FOXP1: variants seen among roughly 807,000 people sequenced by gnomAD.
FOXP1 encodes forkhead box P1.
A neutral mutation model predicts 98.2 loss-of-function variants in FOXP1; 15 were observed. The ratio of observed to expected loss-of-function variants is 0.15; its 90% CI spans 0.10 to 0.24. The LOEUF is 0.24. Among genes scored for constraint, FOXP1 ranks in the 10% least tolerant of loss-of-function variants. The pLI, the probability that FOXP1 is intolerant of heterozygous loss-of-function variation, is 1.00. For synonymous variants in FOXP1, 371 were observed against 314.5 expected (o/e 1.18, Z -1.90); for missense variants, 633 against 848.5 (o/e 0.75, Z 3.15).
chr3:71,408,791 T>A (rs552371693), intron 3 of FOXP1, among the ~76,000 whole-genome samples: 1 of 152,224 alleles, frequency 6.6e-6, no homozygotes, highest in African/African-American at 2.4e-5. Context: ...AGCATAAAGA[T>A]CCCGGTTTCT....
intron 6 of FOXP1, among the ~76,000 whole-genome samples, chr3:71,154,389 A>G (rs2060721682): frequency 6.6e-6 from 1 of 152,318 alleles, no homozygotes; most frequent in East Asian, 1.9e-4. Flanking sequence ...GTGCCTGGGA[A>G]TCAACGTATT....
chr3:71,484,182 G>A (rs1370160287), intron 3 of FOXP1, among the ~76,000 whole-genome samples: 2 of 152,174 alleles, frequency 1.3e-5, no homozygotes, highest in African/African-American at 4.8e-5. Context: ...ACAGCGTGGA[G>A]AGATTGACAG....
chr3:71,006,347 G>T (rs2042810431), intron 12 of FOXP1, among the ~76,000 whole-genome samples: 1 of 152,064 alleles, frequency 6.6e-6, no homozygotes, highest in East Asian at 1.9e-4. Context: ...GTCTTGGAAT[G>T]ATCTCATCTT....
At chr3:71,568,672 A>C (rs1484203473) in intron 2 of FOXP1, among the ~76,000 whole-genome samples, 4 of 150,640 alleles carry the variant, frequency 2.7e-5, no homozygotes, top group Non-Finnish European at 5.9e-5. Flanking sequence ...TTTCTGAGAC[A>C]GTCTCACTCT....
At chr3:70,992,802 G>A (rs933997996) in intron 13 of FOXP1, among the ~76,000 whole-genome samples, 63 of 152,150 alleles carry the variant, frequency 4.1e-4, no homozygotes, top group Non-Finnish European at 5.9e-5. Context: ...AATAAGTGTC[G>A]TGGTTTTCAC....
At chr3:71,305,007 T>C (rs1254499660) in intron 4 of FOXP1, among the ~76,000 whole-genome samples, 1 of 152,122 alleles carries the variant, frequency 6.6e-6, no homozygotes, top group African/African-American at 2.4e-5. Flanking sequence ...CCTTGTTAAT[T>C]GTGGCAACTT....
At chr3:71,474,247 C>T (rs1280009088) in intron 3 of FOXP1, among the ~76,000 whole-genome samples, 1 of 152,112 alleles carries the variant, frequency 6.6e-6, no homozygotes, top group Non-Finnish European at 1.5e-5. Flanking sequence ...ACCTAAACCA[C>T]ATTTAACTGG....
intron 11 of FOXP1, among the ~76,000 whole-genome samples, chr3:71,032,802 T>C (rs768981161): frequency 5.3e-5 from 8 of 152,178 alleles, no homozygotes; most frequent in Non-Finnish European, 1.0e-4. Flanking sequence ...GGCTCCAGTA[T>C]TGGCTTAAGA....
chr3:71,321,018 A>G (rs2075356886), intron 4 of FOXP1, among the ~76,000 whole-genome samples: 1 of 152,030 alleles, frequency 6.6e-6, no homozygotes, highest in Non-Finnish European at 1.5e-5. Flanking sequence ...CAAGGAAGCT[A>G]TAAGAATTTA....
intron 7 of FOXP1, among the ~76,000 whole-genome samples, chr3:71,063,802 AATTACTAGAT>A (rs1482234523): frequency 1.3e-5 from 2 of 152,286 alleles, no homozygotes; most frequent in Admixed American, 1.3e-4. Flanking sequence ...AAAAATATAA[AATTACTAGAT>A]ATTTTACTTG....
chr3:71,351,758 T>C (rs2077797983), intron 4 of FOXP1, among the ~76,000 whole-genome samples: 1 of 152,200 alleles, frequency 6.6e-6, no homozygotes, highest in African/African-American at 2.4e-5. Flanking sequence ...ACACAGGTGA[T>C]TGAGCAGAAC....
At position 71,082,737 on chromosome 3, in the gene FOXP1, C is replaced by G. The variant is rs536613830; in HGVS notation, c.283-28964G>C. ...GGACTGCAGAAATATTCTAGAGCAA[C>G]TTTTTCTGGTTTCTAATGAAGGAAC... On this transcript the variant is annotated intron_variant, in intron 7 of 20. Transcript: ENST00000649528. Among the ~76,000 whole-genome samples, 6 of 151,650 alleles carry G rather than the reference C, an allele frequency of 4.0e-5. No homozygotes were observed. The South Asian group carries it at 1.3e-3, about 32-fold the overall frequency.
intron 2 of FOXP1, among the ~76,000 whole-genome samples, chr3:71,547,984 A>G (rs2045493483): frequency 6.6e-6 from 1 of 152,216 alleles, no homozygotes; most frequent in African/African-American, 2.4e-5. Context: ...CAAACAGTCA[A>G]TTTCATAAGA....
rs752916814 is a variant in FOXP1 at position 71,327,042 on chromosome 3, A to C, written c.-72-27162T>G. Among the ~76,000 whole-genome samples, 20 of 152,256 alleles carry C rather than the reference A, an allele frequency of 1.3e-4. No homozygotes were observed. The Middle Eastern group carries it at 0.014, about 104-fold the overall frequency. Reference sequence around the variant, plus strand: ...TATAGCTAATACATGGCAAAGCTTAAAGTTGAACTGCACTGCCCATTCTAG... The same window carrying C: ...TATAGCTAATACATGGCAAAGCTTACAGTTGAACTGCACTGCCCATTCTAG... On this transcript the variant is annotated intron_variant, in intron 4 of 20. Transcript: ENST00000649528.
At chr3:71,158,111 G>GGAAGGAAGGGAGGGAGGGAA (rs1560038283) in intron 6 of FOXP1, among the ~76,000 whole-genome samples, 5 of 57,968 alleles carry the variant, frequency 8.6e-5, no homozygotes, top group Admixed American at 1.8e-4. Context: ...AAGGAAGGGA[G>GGAAGGAAGGGAGGGAGGGAA]GGAGGGAGGG....
At chr3:70,986,234 T>C (rs1251289253) in intron 14 of FOXP1, among the ~76,000 whole-genome samples, 1 of 152,228 alleles carries the variant, frequency 6.6e-6, no homozygotes, top group Non-Finnish European at 1.5e-5. Context: ...GGTCCTTTTG[T>C]GGCCCACAGG....
intron 20 of FOXP1, among the ~76,000 whole-genome samples, chr3:70,959,682 A>C (rs2032781413): frequency 6.6e-6 from 1 of 152,148 alleles, no homozygotes. Context: ...CACTGCGTAA[A>C]GTTCTCTTGG....
chr3:71,440,995 G>C (rs1275821756), intron 3 of FOXP1, among the ~76,000 whole-genome samples: 1 of 152,238 alleles, frequency 6.6e-6, no homozygotes, highest in African/African-American at 2.4e-5. Flanking sequence ...CCAGGTATAT[G>C]TTAGGAATTC....
intron 4 of FOXP1, among the ~76,000 whole-genome samples, chr3:71,349,759 T>G (rs1417762382): frequency 6.6e-6 from 1 of 152,168 alleles, no homozygotes; most frequent in Non-Finnish European, 1.5e-5. Context: ...TAGATACCCT[T>G]TGATAACAAG....
Sources: gnomAD v4.1 joint callset for allele counts (sites outside exome capture counted in the v4.1 genomes callset) on GRCh38, gnomAD v4.1.1 for gene constraint, MANE v1.5 for transcripts, NCBI Gene and HGNC (gene_info 2026-07-23, HGNC 2026-07-21) for gene names.